Variants in PLEKHG7 observed in about 807,000 individuals in gnomAD.
The protein encoded by PLEKHG7 is pleckstrin homology domain-containing family G member 7.
A neutral mutation model predicts 85.2 loss-of-function variants in PLEKHG7; 77 were observed. That is an observed-to-expected ratio of 0.90 (90% CI 0.75 to 1.09). The LOEUF is 1.09. Ranked by LOEUF, PLEKHG7 falls within the 50% of genes least tolerant of loss-of-function variation. PLEKHG7 has a pLI of 0.00. For missense variants in PLEKHG7, 777 were observed against 804.3 expected, an observed-to-expected ratio of 0.97 and a Z score of 0.41; for synonymous variants, 301 against 302.4, an observed-to-expected ratio of 1.00 and a Z score of 0.05.
At chr12:92,708,034 T>C (rs1871290875) in intron 3 of PLEKHG7, 2 of 290,470 alleles carry the variant, frequency 6.9e-6, no homozygotes, top group Admixed American at 9.2e-5. Flanking sequence ...ATTTGGAGGA[T>C]AAAAGAAAGG....
At chr12:92,745,427 A>G (rs761801199) in intron 9 of PLEKHG7, 51 bp from the exon 10 acceptor site, 3 of 1,252,486 alleles carry the variant, frequency 2.4e-6, no homozygotes, top group East Asian at 2.3e-5. Context: ...TCAGGGCTCA[A>G]TGCTCTCCTT....
In PLEKHG7 at chr12:92,755,805, G is replaced by A. The variant is rs762682510; in HGVS notation, c.1427-20G>A. 1.3e-6 allele frequency: 2 copies of A among 1,502,202 alleles called. No individual in the cohort carries two copies. The highest frequency in any genetic ancestry group is 3.4e-5 in the Admixed American group (2 of 58,680). The allele number at this position is 1,502,202 out of a possible 1,614,324, so 93.1% of individuals were successfully genotyped here. ...TGTCATATGCACCTAAAAATATACT[G>A]ACTATGTCATGTCTTTCAGGGGACC... On this transcript the variant is annotated intron_variant, in intron 11 of 16. Transcript: ENST00000344636.
At position 92,770,215 on chromosome 12, in the gene PLEKHG7, T is replaced by C. The variant is rs543624323; in HGVS notation, c.*20T>C. ...ATTTAGGGACCTAAAACAAGTGGCATGTCTTTTTAGAAGATTATGGTTTAA... is the reference window on the plus strand; with the variant it reads ...ATTTAGGGACCTAAAACAAGTGGCACGTCTTTTTAGAAGATTATGGTTTAA... On this transcript the variant is annotated 3_prime_UTR_variant, in exon 17 of 17. Transcript: ENST00000344636. 1.3e-5 allele frequency: 19 copies of C among 1,497,452 alleles called. No homozygotes were observed. Among genetic ancestry groups the C allele is most frequent in the Admixed American group, 1.8e-5 (1 of 55,832 alleles). The allele number at this position is 1,497,452 out of a possible 1,614,324, so 92.8% of individuals were successfully genotyped here.
chr12:92,734,773 G>C (rs182038927), intron 5 of PLEKHG7, among the ~76,000 whole-genome samples: 3 of 152,226 alleles, frequency 2.0e-5, no homozygotes, highest in East Asian at 3.9e-4. Flanking sequence ...CTTCAGTTTT[G>C]CTCCAGTTCC....
chr12:92,715,018 G>GGATAGATA (rs10563574), intron 3 of PLEKHG7, among the ~76,000 whole-genome samples: 366 of 147,534 alleles, frequency 2.5e-3, no homozygotes, highest in South Asian at 2.9e-3. Context: ...AGAACTAATG[G>GGATAGATA]GATAGATAGA....
intron 13 of PLEKHG7, among the ~76,000 whole-genome samples, chr12:92,757,543 T>C (rs138008005): frequency 1.1e-3 from 161 of 152,298 alleles, no homozygotes; most frequent in African/African-American, 3.7e-3. Flanking sequence ...TGGCAGCTGT[T>C]AAATAAGGAA....
At chr12:92,725,931 C>T (rs534797462) in intron 3 of PLEKHG7, among the ~76,000 whole-genome samples, 56 of 152,292 alleles carry the variant, frequency 3.7e-4, no homozygotes, top group African/African-American at 1.3e-3. Flanking sequence ...CAGAAGCCCA[C>T]TTCAGATCTA....
chr12:92,718,261 C>G (rs1253079532), intron 3 of PLEKHG7, among the ~76,000 whole-genome samples: 1 of 152,200 alleles, frequency 6.6e-6, no homozygotes, highest in African/African-American at 2.4e-5. Context: ...CCTTGGGGAG[C>G]CTTCCTGATA....
intron 3 of PLEKHG7, among the ~76,000 whole-genome samples, chr12:92,728,788 T>C (rs548682873): frequency 1.2e-4 from 19 of 152,256 alleles, no homozygotes; most frequent in South Asian, 1.2e-3. Flanking sequence ...GGTTGAATGG[T>C]AGTTCTATTT....
chr12:92,724,242 A>G (rs1871731316), intron 3 of PLEKHG7, among the ~76,000 whole-genome samples: 1 of 152,164 alleles, frequency 6.6e-6, no homozygotes, highest in African/African-American at 2.4e-5. Flanking sequence ...AGTGTCCTGT[A>G]TGCAATATGA....
intron 10 of PLEKHG7, among the ~76,000 whole-genome samples, chr12:92,749,049 C>T (rs1872614124): frequency 6.6e-6 from 1 of 152,216 alleles, no homozygotes; most frequent in Admixed American, 6.5e-5. Context: ...GGATTGAATT[C>T]AGACCTGTCT....
Position 92,756,328 on chromosome 12 carries a change from G to T in PLEKHG7, c.1573G>T (p.Ala525Ser). The change falls in exon 13 of 17, where the codon GCA becomes TCA. Residue 525 changes from alanine (A) to serine (S), a missense_variant. This residue lies in a region of PLEKHG7 where 520 missense variants were observed against 544.0 expected (regional missense o/e 0.96). Transcript: ENST00000344636. ...GAAACACATTTTTAAAGAACACATG[G>T]CAGAAAACATCTTGTCACCAACCAG... Reference protein sequence around the residue: ...CLKHIFKEHMAENILSPTSRH... With the variant: ...CLKHIFKEHMSENILSPTSRH... 5.6e-6 allele frequency: 9 copies of T among 1,612,340 alleles called. No homozygotes were observed. The highest frequency in any genetic ancestry group is 7.6e-6 in the Non-Finnish European group (9 of 1,178,508).
chr12:92,767,476 TAG>T (rs1406688049), intron 15 of PLEKHG7, among the ~76,000 whole-genome samples: 2 of 149,426 alleles, frequency 1.3e-5, no homozygotes, highest in Admixed American at 6.6e-5. Flanking sequence ...GGCAAAGAAT[TAG>T]AGAGTAAAAC....
rs1309715839 is a variant in PLEKHG7 at position 92,707,626 on chromosome 12, A to C, written c.508-24A>C. 1.9e-6 allele frequency: 3 copies of C among 1,611,482 alleles called. No individual in the cohort carries two copies. In the East Asian group the frequency reaches 6.7e-5, roughly 36 times the overall value. ...GGATGGGTTTGAGCAAGACTAAAAC[A>C]TATGTTCTTAAAATTTATTTCAGGG... On this transcript the variant is annotated intron_variant, in intron 2 of 16. Transcript: ENST00000344636.
chr12:92,721,701 C>CAAAAAAAAAAA (rs1871647957), intron 3 of PLEKHG7, among the ~76,000 whole-genome samples: 1 of 9,430 alleles, frequency 1.1e-4, no homozygotes. Context: ...AAGCATAAAA[C>CAAAAAAAAAAA]CAAAAAAAAA....
chr12:92,713,514 G>C (rs1482803606), intron 3 of PLEKHG7, among the ~76,000 whole-genome samples: 1 of 152,218 alleles, frequency 6.6e-6, no homozygotes, highest in East Asian at 1.9e-4. Flanking sequence ...TGCCACCTTG[G>C]GATCCAATTA....
intron 3 of PLEKHG7, among the ~76,000 whole-genome samples, chr12:92,724,002 T>G (rs1268306142): frequency 1.3e-5 from 2 of 152,166 alleles, no homozygotes; most frequent in Non-Finnish European, 2.9e-5. Flanking sequence ...TCATTCAAAT[T>G]ATTGTAACTT....
intron 6 of PLEKHG7, 61 bp downstream of exon 6, chr12:92,736,638 G>A: frequency 1.9e-6 from 2 of 1,025,878 alleles, no homozygotes; most frequent in African/African-American, 1.7e-5. Flanking sequence ...TGGTGGGGTG[G>A]GGAAGGTCGG....
rs1871672845 is a variant in PLEKHG7, at chr12:92,722,341, T to C, written c.531-6652T>C. ...TCTCTTCATGTTACTGGTGCAGATG[T>C]TCTGATTGCTTTCCTAGGTCTCTGC... is the stretch of plus-strand genomic sequence containing the variant. On this transcript the variant is annotated intron_variant, in intron 3 of 16. Coordinates refer to ENST00000344636, the MANE Select transcript of PLEKHG7 (RefSeq NM_001377329.1). Among the ~76,000 whole-genome samples, 4 of 152,328 alleles carry C rather than the reference T, an allele frequency of 2.6e-5. No homozygotes were observed. In the South Asian group the frequency reaches 8.3e-4, roughly 32 times the overall value.
Sources: gnomAD v4.1 joint callset for allele counts (sites outside exome capture counted in the v4.1 genomes callset) on GRCh38, gnomAD v4.1.1 for gene constraint, gnomAD v4.1.1 regional missense constraint, MANE v1.5 for transcripts, NCBI Gene and HGNC (gene_info 2026-07-23, HGNC 2026-07-21) for gene names.